Variants in EPPIN observed in about 807,000 individuals in gnomAD.
EPPIN encodes the protein WAP four-disulfide core domain protein 7.
A neutral mutation model predicts 18.8 loss-of-function variants in EPPIN; 14 were observed. The observed-to-expected ratio is 0.75, with a 90% CI of 0.49 to 1.17. The LOEUF (loss-of-function observed/expected upper bound fraction) is 1.17. Ranked by LOEUF, EPPIN falls within the 50% of genes most tolerant of loss-of-function variation. The pLI is 0.00. For synonymous variants in EPPIN, 57 were observed against 54.8 expected, an observed-to-expected ratio of 1.04 and a Z score of -0.18; for missense variants, 143 against 154.2, an observed-to-expected ratio of 0.93 and a Z score of 0.39.
chr20:45,545,550 C>A (rs2145553324), intron 2 of EPPIN, 89 bp downstream of exon 2: 1 of 1,595,076 alleles, frequency 6.3e-7, no homozygotes, highest in East Asian at 2.2e-5. Flanking sequence ...GACCAGCCCT[C>A]AGCGATCAGG....
chr20:45,547,120 G>A (rs1045096590), intron 1 of EPPIN, 147 bp downstream of exon 1: 17 of 1,145,944 alleles, frequency 1.5e-5, no homozygotes, highest in African/African-American at 3.1e-5. Context: ...TTACACAGGA[G>A]GGATCTTACA....
At chr20:45,546,123 A>AC (rs11481728) in intron 1 of EPPIN, 11,032 of 356,350 alleles carry the variant, frequency 0.031, 538 homozygotes, top group Admixed American at 0.11. Flanking sequence ...ATCCAGTAGC[A>AC]CCCCTGATTG....
chr20:45,542,600 G>C, intron 3 of EPPIN, 100 bp downstream of exon 3: 1 of 1,500,364 alleles, frequency 6.7e-7, no homozygotes, highest in South Asian at 1.4e-5. Context: ...TCAGCACCAG[G>C]TCTGCCAAAG....
intron 2 of EPPIN, 67 bp downstream of exon 2, chr20:45,545,572 G>T: frequency 6.2e-7 from 1 of 1,608,842 alleles, no homozygotes; most frequent in South Asian, 1.1e-5. Flanking sequence ...CACAAAGCCA[G>T]TCCAGGAAGG....
At chr20:45,545,202 A>C (rs1440089512) in intron 2 of EPPIN, 2 of 177,242 alleles carry the variant, frequency 1.1e-5, no homozygotes, top group Non-Finnish European at 2.4e-5. Context: ...TGGAGCAGTC[A>C]GGAGAGGCGT....
chr20:45,545,954 G>A (rs534439957), intron 1 of EPPIN, 184 bp from the exon 2 acceptor site: 1 of 829,490 alleles, frequency 1.2e-6, no homozygotes, highest in African/African-American at 1.7e-5. Context: ...CCACTCCCCA[G>A]TGACCTCTCC....
intron 1 of EPPIN, 124 bp downstream of exon 1, chr20:45,547,143 C>A: frequency 7.2e-7 from 1 of 1,385,026 alleles, no homozygotes; most frequent in South Asian, 1.4e-5. Context: ...TATCTCTCTC[C>A]TCTCCCAACC....
At position 45,542,172 on chromosome 20, in the gene EPPIN, C is replaced by A; in HGVS notation, c.392-18G>T. The A allele has an allele frequency of 6.2e-7, 1 of 1,613,442 alleles. No homozygotes were observed. Among genetic ancestry groups the A allele is most frequent in the Non-Finnish European group, 8.5e-7 (1 of 1,179,698 alleles). ...GGGAAAGCCTGCAGAGAACGTAGGA[C>A]AGAAACAGCTGAGCATCTTGGGTTC... is the stretch of plus-strand genomic sequence containing the variant. On this transcript the variant is annotated intron_variant, in intron 3 of 3. Coordinates refer to ENST00000354280, the MANE Select transcript of EPPIN (RefSeq NM_020398.4).
rs1600879434 is a variant in EPPIN, at chr20:45,547,152, C to G, written c.91+115G>C. ...TACAAATATCTCTCTCCTCTCCCAA[C>G]CCGGGACCTGGGCTAAGATGGTGGA... On this transcript the variant is annotated intron_variant, in intron 1 of 3. Transcript: ENST00000354280. 2.3e-5 allele frequency: 34 copies of G among 1,457,316 alleles called. No homozygotes were observed. In the East Asian group the frequency reaches 7.9e-4, roughly 34 times the overall value. The allele number at this position is 1,457,316 out of a possible 1,614,324, so 90.3% of individuals were successfully genotyped here.
In EPPIN at chr20:45,547,310, T is replaced by C. The variant is rs776380931; in HGVS notation, c.48A>G (p.Leu16=). The change falls in exon 1 of 4, where the codon TTA becomes TTG. Residue 16 remains leucine (L), a synonymous_variant. Transcript: ENST00000354280. ...TCAGACCAGGTCCCTGGACATTCGC[T>C]AAGAGGACGAATAGCACCAGGAGGC... The part of the protein sequence containing the change: ...LLSLLVLFVL[L]ANVQGPGLTD... The C allele has an allele frequency of 6.8e-6, 11 of 1,613,798 alleles. No homozygotes were observed. The South Asian group carries it at 8.8e-5, about 13-fold the overall frequency.
chr20:45,544,680 G>C (rs1979743296), intron 2 of EPPIN: 1 of 152,052 alleles, frequency 6.6e-6, no homozygotes, highest in African/African-American at 2.4e-5. Context: ...CTATCATCTT[G>C]AAGTCCTTTA....
chr20:45,545,908 G>GCAGC, intron 1 of EPPIN, 138 bp from the exon 2 acceptor site: 18 of 1,353,492 alleles, frequency 1.3e-5, no homozygotes, highest in Non-Finnish European at 1.8e-5. Flanking sequence ...TTTCCTCAGG[G>GCAGC]CAGCCTCACT....
Position 45,545,715 on chromosome 20 carries a change from T to C in EPPIN, c.147A>G (p.Thr49=), listed in dbSNP as rs753995824. Residue 49 remains threonine, a synonymous_variant, in exon 2 of 4, where the codon ACA becomes ACG. Transcript: ENST00000354280. ...ECEFQERDVC[T]KDRQCQDNKK... ...TGTTGTCCTGGCATTGTCTGTCCTT[T>C]GTACACACATCCCTTTCTTGGAATT... 1.9e-6 allele frequency: 3 copies of C among 1,614,096 alleles called. No individual in the cohort carries two copies. The East Asian group carries it at 6.7e-5, about 36-fold the overall frequency.
intron 3 of EPPIN, 95 bp downstream of exon 3, chr20:45,542,605 C>A: frequency 6.6e-7 from 1 of 1,518,178 alleles, no homozygotes; most frequent in Non-Finnish European, 8.8e-7. Context: ...ACCAGGTCTG[C>A]CAAAGATGTA....
At position 45,545,688 on chromosome 20, in the gene EPPIN, CTTG is replaced by C. The variant is rs946676402; in HGVS notation, c.171_173del (p.Asn57del). ...TTCCGCAGCTGAAGACACAACACTTCTTGTTGTCCTGGCATTGTCTGTCCTTTG... is the reference window on the plus strand; with the variant it reads ...TTCCGCAGCTGAAGACACAACACTTCTTGTCCTGGCATTGTCTGTCCTTTG... On this transcript the variant is annotated inframe_deletion, in exon 2 of 4. Coordinates refer to ENST00000354280, the MANE Select transcript of EPPIN (RefSeq NM_020398.4). 7 of 1,613,998 alleles carry C rather than the reference CTTG, an allele frequency of 4.3e-6. No homozygotes were observed. The African/African-American group carries it at 9.3e-5, about 22-fold the overall frequency.
chr20:45,542,390 C>T (rs568340768), intron 3 of EPPIN: 172 of 638,860 alleles, frequency 2.7e-4, no homozygotes, highest in Non-Finnish European at 4.1e-4. Context: ...TTAAGTTTAG[C>T]GTCCTGTGCC....
chr20:45,542,223 T>G, intron 3 of EPPIN, 69 bp from the exon 4 acceptor site: 1 of 1,598,844 alleles, frequency 6.3e-7, no homozygotes, highest in Non-Finnish European at 8.5e-7. Flanking sequence ...CTTGAAGTTA[T>G]GTTTATACAT....
intron 2 of EPPIN, 106 bp from the exon 3 acceptor site, chr20:45,542,973 C>T (rs1979668410): frequency 1.4e-6 from 2 of 1,469,988 alleles, no homozygotes; most frequent in Non-Finnish European, 1.8e-6. Flanking sequence ...GAGTAGGCTC[C>T]TTTTCTCTTA....
intron 2 of EPPIN, chr20:45,544,520 G>C (rs1979736583): frequency 6.6e-6 from 1 of 152,170 alleles, no homozygotes; most frequent in Non-Finnish European, 1.5e-5. Flanking sequence ...ATCCTTACCT[G>C]CTGGCATATG....
Sources: gnomAD v4.1 joint callset for allele counts on GRCh38, gnomAD v4.1.1 for gene constraint, MANE v1.5 for transcripts, NCBI Gene and HGNC (gene_info 2026-07-23, HGNC 2026-07-21) for gene names.